ABCC1: variants seen among roughly 807,000 people sequenced by gnomAD.
The protein encoded by ABCC1 is multidrug resistance-associated protein 1.
A neutral mutation model predicts 172.9 loss-of-function variants in ABCC1; 83 were observed. The ratio of observed to expected loss-of-function variants is 0.48; its 90% CI spans 0.40 to 0.58. The LOEUF (loss-of-function observed/expected upper bound fraction) is 0.58, where lower values mean the gene tolerates loss of function less well. ABCC1 is among the 20% of genes least tolerant of loss of function. The probability of loss-of-function intolerance (pLI) is 0.00; values close to 1 mark genes in which losing one functional copy is unlikely to be tolerated. For synonymous variants in ABCC1, 937 were observed against 825.2 expected (o/e 1.14, Z -2.32); for missense variants, 1,817 against 2,002.7 (o/e 0.91, Z 1.77).
intron 1 of ABCC1, among the ~76,000 whole-genome samples, chr16:15,956,410 T>C (rs1422967982): frequency 6.6e-6 from 1 of 151,998 alleles, no homozygotes; most frequent in African/African-American, 2.4e-5. Flanking sequence ...GGTCTAACTT[T>C]CAACTCCCTA....
At chr16:16,059,611 C>T (rs1377399758) in intron 12 of ABCC1, among the ~76,000 whole-genome samples, 1 of 152,016 alleles carries the variant, frequency 6.6e-6, no homozygotes, top group Non-Finnish European at 1.5e-5. Context: ...TTGAGACCAG[C>T]CTAGCCAACG....
chr16:16,035,110 G>A (rs2048706510), intron 6 of ABCC1, among the ~76,000 whole-genome samples: 1 of 152,146 alleles, frequency 6.6e-6, no homozygotes, highest in Admixed American at 6.6e-5. Context: ...TATTATAAAA[G>A]TGTTTAGTCT....
At chr16:16,086,410 C>T (rs2051007023) in intron 17 of ABCC1, among the ~76,000 whole-genome samples, 1 of 152,168 alleles carries the variant, frequency 6.6e-6, no homozygotes, top group Non-Finnish European at 1.5e-5. Context: ...CTCTGCAGGG[C>T]CTTCACCCAG....
chr16:16,036,606 A>G lies in ABCC1; in HGVS notation c.809+3A>G, dbSNP rs1481157190. On this transcript the variant is annotated splice_donor_region_variant and intron_variant, in intron 7 of 30. Transcript: ENST00000399410. ...AAGGAATGCGCCAAGACTAGGAAGT[A>G]AGTGTGAGTTTCCTTGTCCTCCAGG... 2 of 1,613,314 alleles carry G rather than the reference A, an allele frequency of 1.2e-6. No homozygotes were observed. Among genetic ancestry groups the G allele is most frequent in the Non-Finnish European group, 1.7e-6 (2 of 1,179,614 alleles).
chr16:16,049,715 C>T (rs536630647), intron 10 of ABCC1, among the ~76,000 whole-genome samples: 32 of 152,232 alleles, frequency 2.1e-4, no homozygotes, highest in Admixed American at 7.2e-4. Context: ...CATGGAGTCG[C>T]GCTCTGTTGC....
intron 26 of ABCC1, among the ~76,000 whole-genome samples, chr16:16,126,705 G>A (rs1160521522): frequency 6.6e-6 from 1 of 152,128 alleles, no homozygotes; most frequent in African/African-American, 2.4e-5. Context: ...TTGTATAGGG[G>A]ACTCCTGTTA....
At chr16:16,099,037 T>G (rs1468103018) in intron 19 of ABCC1, 4 of 747,286 alleles carry the variant, frequency 5.4e-6, no homozygotes, top group East Asian at 1.1e-4. Flanking sequence ...ATTGGTTCAT[T>G]TAGCACACAT....
chr16:16,115,223 A>T, intron 23 of ABCC1, 147 bp downstream of exon 23: 1 of 939,490 alleles, frequency 1.1e-6, no homozygotes, highest in Non-Finnish European at 1.5e-6. Context: ...GAATACCTAA[A>T]TTGTTTTTTT....
intron 1 of ABCC1, among the ~76,000 whole-genome samples, chr16:16,006,719 C>T (rs1286237337): frequency 6.6e-6 from 1 of 152,172 alleles, no homozygotes; most frequent in African/African-American, 2.4e-5. Flanking sequence ...TTTAACCCTT[C>T]TGTGCCTGAG....
chr16:16,016,343 G>A (rs534650109), intron 4 of ABCC1, among the ~76,000 whole-genome samples, 153 bp from the exon 5 acceptor site: 3 of 151,756 alleles, frequency 2.0e-5, no homozygotes, highest in Admixed American at 1.3e-4. Context: ...TAGTAGAGAC[G>A]GGGTTTCACC....
chr16:16,137,437 T>C (rs896579524), intron 29 of ABCC1, among the ~76,000 whole-genome samples: 2 of 151,996 alleles, frequency 1.3e-5, no homozygotes, highest in Non-Finnish European at 2.9e-5. Flanking sequence ...TTCTTTTGGC[T>C]GTCCTTACTT....
intron 1 of ABCC1, among the ~76,000 whole-genome samples, chr16:16,004,024 G>C (rs141580786): frequency 1.4e-3 from 58 of 42,424 alleles, no homozygotes; most frequent in African/African-American, 2.9e-3. Context: ...GGATGAATTG[G>C]TGGATGGATG....
At chr16:15,965,899 C>A (rs954918003) in intron 1 of ABCC1, among the ~76,000 whole-genome samples, 1 of 152,078 alleles carries the variant, frequency 6.6e-6, no homozygotes, top group Admixed American at 6.6e-5. Context: ...TTTTATTTTT[C>A]TTTTAAAGAA....
At chr16:15,987,128 G>T (rs1467496699) in intron 1 of ABCC1, among the ~76,000 whole-genome samples, 1 of 152,168 alleles carries the variant, frequency 6.6e-6, no homozygotes. Flanking sequence ...TCATGGCACT[G>T]CAGTCCAGTC....
intron 12 of ABCC1, among the ~76,000 whole-genome samples, chr16:16,058,681 C>T (rs1204839671): frequency 6.6e-6 from 1 of 152,134 alleles, no homozygotes; most frequent in Non-Finnish European, 1.5e-5. Flanking sequence ...GATGAAGTCC[C>T]AGTCTGTCAC....
intron 19 of ABCC1, among the ~76,000 whole-genome samples, chr16:16,093,270 G>C (rs922754390): frequency 6.6e-6 from 1 of 152,016 alleles, no homozygotes; most frequent in African/African-American, 2.4e-5. Context: ...AAATCAAAAT[G>C]TGTGGGTTTA....
intron 5 of ABCC1, among the ~76,000 whole-genome samples, 185 bp from the exon 6 acceptor site, chr16:16,032,924 G>T (rs998180107): frequency 5.3e-5 from 8 of 152,188 alleles, no homozygotes; most frequent in African/African-American, 1.4e-4. Context: ...TGGAAGAGCT[G>T]CCATGAATTT....
chr16:15,950,045 A>AGGGTC (rs367890331), intron 1 of ABCC1, among the ~76,000 whole-genome samples: 1 of 150,624 alleles, frequency 6.6e-6, no homozygotes, highest in African/African-American at 2.5e-5. Flanking sequence ...GGGGTTTTGG[A>AGGGTC]GGGTCGGGTC....
chr16:16,071,231 C>T (rs1053067979), intron 13 of ABCC1, among the ~76,000 whole-genome samples: 4 of 151,268 alleles, frequency 2.6e-5, no homozygotes, highest in South Asian at 2.1e-4. Flanking sequence ...ATTGCAGGTG[C>T]GTGCCACCAT....
Sources: gnomAD v4.1 joint callset for allele counts (sites outside exome capture counted in the v4.1 genomes callset) on GRCh38, gnomAD v4.1.1 for gene constraint, MANE v1.5 for transcripts, NCBI Gene and HGNC (gene_info 2026-07-23, HGNC 2026-07-21) for gene names.